TASP1: variants seen among roughly 807,000 people sequenced by gnomAD.
The protein encoded by TASP1 is threonine aspartase 1.
In TASP1, 16 loss-of-function variants were observed where a neutral mutation model predicts 56.6. The ratio of observed to expected loss-of-function variants is 0.28; its 90% confidence interval spans 0.19 to 0.43. The LOEUF (loss-of-function observed/expected upper bound fraction) is 0.43, where lower values mean the gene tolerates loss of function less well. Among genes scored for constraint, TASP1 ranks in the 20% least tolerant of loss-of-function variants. TASP1 has a pLI of 1.00. For missense variants in TASP1, 393 were observed against 511.6 expected (o/e 0.77, Z 2.24); for synonymous variants, 179 against 184.2 (o/e 0.97, Z 0.23).
At chr20:13,295,777 C>T in the TASP1 span, among the ~76,000 whole-genome samples, 1 of 152,196 alleles carries the variant, frequency 6.6e-6, no homozygotes, top group Non-Finnish European at 1.5e-5. Flanking sequence ...TTGGAGGAGT[C>T]GCTTGTCGGG....
chr20:13,216,362 A>G, the TASP1 span, among the ~76,000 whole-genome samples: 1 of 152,214 alleles, frequency 6.6e-6, no homozygotes, highest in Non-Finnish European at 1.5e-5. Flanking sequence ...TACAGCCTCT[A>G]AAACAAGGTG....
the TASP1 span, chr20:13,221,665 C>A: frequency 1.3e-4 from 123 of 951,866 alleles, no homozygotes; most frequent in Non-Finnish European, 1.5e-4. Flanking sequence ...TGGCGGGAGC[C>A]GAGGCGGGAG....
intron 4 of TASP1, among the ~76,000 whole-genome samples, chr20:13,621,931 T>C (rs2048730680): frequency 2.0e-5 from 3 of 152,210 alleles, no homozygotes; most frequent in Admixed American, 6.5e-5. Context: ...CTAGTTAAGT[T>C]AGATGAAGCC....
At chr20:13,565,467 C>T (rs1265399926) in intron 7 of TASP1, among the ~76,000 whole-genome samples, 2 of 152,014 alleles carry the variant, frequency 1.3e-5, no homozygotes, top group Non-Finnish European at 2.9e-5. Flanking sequence ...GTGTTAACAT[C>T]CAGAACATAT....
chr20:13,295,347 G>A, the TASP1 span, among the ~76,000 whole-genome samples: 39 of 152,088 alleles, frequency 2.6e-4, no homozygotes, highest in East Asian at 3.8e-4. Context: ...CCTAGTACCC[G>A]CTGAACCAGC....
the TASP1 span, among the ~76,000 whole-genome samples, chr20:13,301,982 T>A: frequency 2.0e-5 from 3 of 152,156 alleles, no homozygotes; most frequent in Non-Finnish European, 4.4e-5. Context: ...GGGAAGTGGG[T>A]GTATTTGTAA....
At chr20:13,275,386 G>A in the TASP1 span, among the ~76,000 whole-genome samples, 1 of 152,118 alleles carries the variant, frequency 6.6e-6, no homozygotes, top group South Asian at 2.1e-4. Flanking sequence ...TGGCAGGTCT[G>A]GCTGGATAAG....
At chr20:13,623,696 G>A (rs981448664) in intron 3 of TASP1, among the ~76,000 whole-genome samples, 182 bp from the exon 4 acceptor site, 8 of 152,146 alleles carry the variant, frequency 5.3e-5, no homozygotes, top group Non-Finnish European at 1.0e-4. Flanking sequence ...AGGTTAATTG[G>A]TAATATGGCT....
rs1214753921 is a variant in TASP1 at position 13,591,677 on chromosome 20, T to C, written c.283-4307A>G. Reference sequence around the variant, plus strand: ...TTAATACTCTAAATAAGTGGGAAGATATAAAGAACTTTTATCTCATTTTCA... The same window carrying C: ...TTAATACTCTAAATAAGTGGGAAGACATAAAGAACTTTTATCTCATTTTCA... On this transcript the variant is annotated intron_variant, in intron 4 of 13. Coordinates refer to ENST00000337743, the MANE Select transcript of TASP1 (RefSeq NM_017714.3). Among the ~76,000 whole-genome samples the C allele has an allele frequency of 2.6e-5, 4 of 152,280 alleles. No homozygotes were observed. The East Asian group carries it at 7.7e-4, about 29-fold the overall frequency.
At chr20:13,543,602 A>G (rs2045701289) in intron 8 of TASP1, among the ~76,000 whole-genome samples, 2 of 152,092 alleles carry the variant, frequency 1.3e-5, no homozygotes, top group South Asian at 4.1e-4. Context: ...CTCCATCTCA[A>G]AAACAAAGAT....
chr20:13,271,736 G>A, the TASP1 span, among the ~76,000 whole-genome samples: 27 of 152,124 alleles, frequency 1.8e-4, 1 homozygote, highest in African/African-American at 2.9e-4. Context: ...CTCATCCCCC[G>A]GGCAACCCAG....
At chr20:13,602,205 A>G (rs899435882) in intron 4 of TASP1, among the ~76,000 whole-genome samples, 1 of 151,956 alleles carries the variant, frequency 6.6e-6, no homozygotes, top group Non-Finnish European at 1.5e-5. Context: ...TAATCATGAC[A>G]AAAACATCAT....
intron 4 of TASP1, among the ~76,000 whole-genome samples, chr20:13,609,619 C>T (rs1600156229): frequency 1.4e-5 from 2 of 140,854 alleles, no homozygotes; most frequent in Admixed American, 7.8e-5. Flanking sequence ...ACCTGGGAGG[C>T]GGAGGTTGCA....
chr20:13,479,570 C>T (rs1056354053), intron 11 of TASP1, among the ~76,000 whole-genome samples: 2 of 151,524 alleles, frequency 1.3e-5, no homozygotes, highest in African/African-American at 4.9e-5. Context: ...TCAAGCGATT[C>T]TCCTACCTCA....
chr20:13,373,192 A>C, the TASP1 span, among the ~76,000 whole-genome samples: 2 of 151,896 alleles, frequency 1.3e-5, no homozygotes, highest in African/African-American at 2.4e-5. Flanking sequence ...ATCTCCTTTA[A>C]GTGGTTGTTG....
the TASP1 span, chr20:13,292,405 C>T: frequency 6.8e-6 from 11 of 1,606,498 alleles, no homozygotes; most frequent in South Asian, 2.2e-5. Flanking sequence ...CAGCTGCCAC[C>T]GAAGTGAGTC....
intron 9 of TASP1, among the ~76,000 whole-genome samples, 181 bp downstream of exon 9, chr20:13,533,841 G>C (rs946740242): frequency 2.0e-5 from 3 of 152,146 alleles, no homozygotes; most frequent in African/African-American, 7.2e-5. Context: ...ATTACTATGA[G>C]ATAGGTTTTC....
intron 2 of TASP1, among the ~76,000 whole-genome samples, chr20:13,629,122 T>C (rs908660484): frequency 6.6e-6 from 1 of 152,154 alleles, no homozygotes; most frequent in East Asian, 1.9e-4. Flanking sequence ...TCCCAGCACT[T>C]TGGGAGGCCA....
the TASP1 span, among the ~76,000 whole-genome samples, chr20:13,182,111 T>C: frequency 2.6e-5 from 4 of 152,222 alleles, no homozygotes; most frequent in Non-Finnish European, 1.5e-5. Flanking sequence ...CTTCCCTCTT[T>C]GTGACTTCTG....
Sources: allele counts gnomAD v4.1 joint callset (sites outside exome capture counted in the v4.1 genomes callset), GRCh38; gene constraint gnomAD v4.1.1; transcripts MANE v1.5; gene names NCBI Gene and HGNC (gene_info 2026-07-23, HGNC 2026-07-21).